Variants in CNTNAP4 observed in about 807,000 individuals in gnomAD.
CNTNAP4 encodes contactin associated protein family member 4.
Under a neutral mutation model 148.4 loss-of-function variants are expected in CNTNAP4, and 98 were observed. The observed-to-expected ratio is 0.66, with a 90% confidence interval of 0.56 to 0.78. The LOEUF (loss-of-function observed/expected upper bound fraction) is 0.78, where lower values mean the gene tolerates loss of function less well. CNTNAP4 is among the 30% of genes least tolerant of loss of function. The pLI, the probability that CNTNAP4 is intolerant of heterozygous loss-of-function variation, is 0.00. For synonymous variants in CNTNAP4, 730 were observed against 565.1 expected (o/e 1.29, Z -4.14); for missense variants, 1,935 against 1,565.6 (o/e 1.24, Z -3.98).
intron 14 of CNTNAP4, 32 bp downstream of exon 14, chr16:76,495,098 A>G (rs747780222): frequency 6.8e-6 from 11 of 1,609,304 alleles, no homozygotes; most frequent in Non-Finnish European, 8.5e-6. Context: ...TATGCAAGAA[A>G]AAGTTCATTT....
chr16:76,448,900 G>A lies in CNTNAP4; in HGVS notation c.876G>A (p.Arg292=). The part of the protein sequence containing the change: ...KQVNFTVDEH[R]HHFHARGEFN... ...TCAACTTCACAGTGGACGAACACAGGCATCATTTCCATGCACGGGGAGAAT... is the reference window on the plus strand; with the variant it reads ...TCAACTTCACAGTGGACGAACACAGACATCATTTCCATGCACGGGGAGAAT... The change falls in exon 6 of 24, where the codon AGG becomes AGA. Residue 292 remains arginine (R), a synonymous_variant. Coordinates refer to ENST00000611870, the MANE Select transcript of CNTNAP4 (RefSeq NM_033401.5). 1 of 1,613,754 alleles carries A rather than the reference G, an allele frequency of 6.2e-7. No individual in the cohort carries two copies. The highest frequency in any genetic ancestry group is 8.5e-7 in the Non-Finnish European group (1 of 1,179,830).
At chr16:76,446,172 C>G (rs1442004873) in intron 4 of CNTNAP4, among the ~76,000 whole-genome samples, 1 of 152,098 alleles carries the variant, frequency 6.6e-6, no homozygotes, top group Non-Finnish European at 1.5e-5. Context: ...ATAGACATTT[C>G]ACATAAAATA....
chr16:76,522,226 C>A lies in CNTNAP4; in HGVS notation c.2724C>A (p.Val908=). 1 of 1,613,874 alleles carries A rather than the reference C, an allele frequency of 6.2e-7. No homozygotes were observed. Among genetic ancestry groups the A allele is most frequent in the Non-Finnish European group, 8.5e-7 (1 of 1,179,876 alleles). ...KTQPAPADGH[V]LLQLNSQLFV... is the part of the protein sequence containing the mutation. Reference sequence around the variant, plus strand: ...AGCCCGCCCCCGCTGATGGGCATGTCCTGTTACAGCTCAACAGTCAGCTCT... The same window carrying A: ...AGCCCGCCCCCGCTGATGGGCATGTACTGTTACAGCTCAACAGTCAGCTCT... Residue 908 remains valine (V), a synonymous_variant, in exon 17 of 24, where the codon GTC becomes GTA. Coordinates refer to ENST00000611870, the MANE Select transcript of CNTNAP4 (RefSeq NM_033401.5).
At chr16:76,375,684 G>A (rs2015342777) in intron 3 of CNTNAP4, among the ~76,000 whole-genome samples, 1 of 151,986 alleles carries the variant, frequency 6.6e-6, no homozygotes, top group Non-Finnish European at 1.5e-5. Flanking sequence ...AATAATCTGG[G>A]GCTAGGGTAG....
intron 4 of CNTNAP4, among the ~76,000 whole-genome samples, chr16:76,446,910 C>G (rs1279814489): frequency 2.0e-5 from 3 of 152,050 alleles, no homozygotes; most frequent in African/African-American, 7.2e-5. Flanking sequence ...CTTTAGAATT[C>G]CAAGAACTCC....
chr16:76,516,026 C>G (rs979030063), intron 15 of CNTNAP4, among the ~76,000 whole-genome samples: 4 of 152,174 alleles, frequency 2.6e-5, no homozygotes. Flanking sequence ...CTGCACCTAT[C>G]AACCCGTCAT....
chr16:76,449,615 G>A (rs1207468797), intron 6 of CNTNAP4, 100 bp from the exon 7 acceptor site: 2 of 975,162 alleles, frequency 2.1e-6, no homozygotes, highest in Non-Finnish European at 2.9e-6. Context: ...ATGAAAAATT[G>A]ATCTGTGTGT....
chr16:76,395,715 C>T (rs1039250057), intron 3 of CNTNAP4, among the ~76,000 whole-genome samples: 1 of 149,926 alleles, frequency 6.7e-6, no homozygotes, highest in African/African-American at 2.4e-5. Flanking sequence ...TCACTGTGTC[C>T]CCTGAAAAGA....
chr16:76,424,590 G>A (rs1597491293), intron 3 of CNTNAP4, among the ~76,000 whole-genome samples: 1 of 151,750 alleles, frequency 6.6e-6, no homozygotes, highest in South Asian at 2.1e-4. Flanking sequence ...CCCATCTCTA[G>A]TAAAAATGCA....
intron 9 of CNTNAP4, 38 bp downstream of exon 9, chr16:76,462,143 A>AT: frequency 6.4e-7 from 1 of 1,564,532 alleles, no homozygotes; most frequent in Non-Finnish European, 8.7e-7. Flanking sequence ...CAACTGAACC[A>AT]TATTTGCATT....
intron 2 of CNTNAP4, among the ~76,000 whole-genome samples, chr16:76,338,860 A>C (rs1964235860): frequency 6.6e-6 from 1 of 152,200 alleles, no homozygotes; most frequent in Non-Finnish European, 1.5e-5. Context: ...AAAATCAAAC[A>C]AATTAGGACA....
chr16:76,448,048 T>G lies in CNTNAP4; in HGVS notation c.575T>G (p.Leu192Arg). The change falls in exon 5 of 24, where the codon CTT (leucine) becomes CGT (arginine). Residue 192 changes from leucine to arginine, a missense_variant. By Grantham distance (102) the Leu-to-Arg change is moderately radical. Coordinates refer to ENST00000611870, the MANE Select transcript of CNTNAP4 (RefSeq NM_033401.5). Reference protein sequence around the residue: ...EVVDLDGKSSLLYRFDQKSLS... With the variant: ...EVVDLDGKSSRLYRFDQKSLS... ...GTTGATCTTGATGGAAAAAGTTCCC[T>G]TCTCTACAGATTTGATCAAAAATCC... The G allele has an allele frequency of 6.2e-7, 1 of 1,613,766 alleles. No homozygotes were observed. Among genetic ancestry groups the G allele is most frequent in the Admixed American group, 1.7e-5 (1 of 60,018 alleles).
intron 1 of CNTNAP4, among the ~76,000 whole-genome samples, chr16:76,295,613 A>G (rs1959220946): frequency 6.6e-6 from 1 of 152,058 alleles, no homozygotes; most frequent in Non-Finnish European, 1.5e-5. Context: ...CTAATAAAGA[A>G]CAGGCAACAA....
chr16:76,314,653 C>CGATTGATA (rs1205998720), intron 1 of CNTNAP4, among the ~76,000 whole-genome samples: 4 of 152,148 alleles, frequency 2.6e-5, no homozygotes, highest in African/African-American at 9.7e-5. Context: ...GTTAAGTAAA[C>CGATTGATA]GTTATCAATC....
At chr16:76,328,861 TCTCAAA>T (rs1963255981) in intron 2 of CNTNAP4, among the ~76,000 whole-genome samples, 1 of 152,078 alleles carries the variant, frequency 6.6e-6, no homozygotes, top group African/African-American at 2.4e-5. Flanking sequence ...GTCAGGCTGG[TCTCAAA>T]CTCCTGACCT....
At chr16:76,498,136 AT>A (rs1157609575) in intron 14 of CNTNAP4, among the ~76,000 whole-genome samples, 1 of 152,194 alleles carries the variant, frequency 6.6e-6, no homozygotes, top group Non-Finnish European at 1.5e-5. Context: ...CACACCTGTA[AT>A]CCCCGCACTT....
intron 10 of CNTNAP4, among the ~76,000 whole-genome samples, chr16:76,471,513 G>A (rs184297836): frequency 3.3e-3 from 499 of 152,102 alleles, no homozygotes; most frequent in Non-Finnish European, 6.1e-3. Context: ...CTGCACCTCC[G>A]TCACCTGTCC....
chr16:76,535,854 T>C (rs1163796143), intron 18 of CNTNAP4, 70 bp downstream of exon 18: 1 of 1,504,060 alleles, frequency 6.6e-7, no homozygotes, highest in Non-Finnish European at 8.9e-7. Flanking sequence ...GCAGTTCTTT[T>C]CTATGCAGCT....
chr16:76,392,780 C>G (rs1029170371), intron 3 of CNTNAP4, among the ~76,000 whole-genome samples: 4 of 152,176 alleles, frequency 2.6e-5, no homozygotes, highest in African/African-American at 9.7e-5. Flanking sequence ...AAAGCTTGAA[C>G]ATGTCCTCAT....
Sources: allele counts gnomAD v4.1 joint callset (sites outside exome capture counted in the v4.1 genomes callset), GRCh38; gene constraint gnomAD v4.1.1; transcripts MANE v1.5; gene names NCBI Gene and HGNC (gene_info 2026-07-23, HGNC 2026-07-21).